THUMPD2: variants seen among roughly 807,000 people sequenced by gnomAD.
THUMPD2 encodes the protein THUMP domain 2 tRNA and snRNA guanosine methyltransferase.
In THUMPD2, 56 loss-of-function variants were observed where a neutral mutation model predicts 49.4. That is an observed-to-expected ratio of 1.13 (90% CI 0.91 to 1.41). The LOEUF is 1.41. Among genes scored for constraint, THUMPD2 ranks in the 40% most tolerant of loss-of-function variants. The probability of loss-of-function intolerance (pLI) is 0.00; values close to 1 mark genes in which losing one functional copy is unlikely to be tolerated. For missense variants in THUMPD2, 709 were observed against 594.5 expected, an observed-to-expected ratio of 1.19 and a Z score of -2.00; for synonymous variants, 237 against 205.2, an observed-to-expected ratio of 1.15 and a Z score of -1.32.
chr2:39,776,266 G>A (rs1249332814), intron 1 of THUMPD2, among the ~76,000 whole-genome samples: 1 of 151,984 alleles, frequency 6.6e-6, no homozygotes, highest in Non-Finnish European at 1.5e-5. Flanking sequence ...GCCATACAAC[G>A]AGAGGGGAGA....
Position 39,748,779 on chromosome 2 carries a change from C to T in THUMPD2, c.1079-4301G>A, listed in dbSNP as rs1487953064. Among the ~76,000 whole-genome samples, 7 of 152,134 alleles carry T rather than the reference C, an allele frequency of 4.6e-5. No individual in the cohort carries two copies. The East Asian group carries it at 1.2e-3, about 25-fold the overall frequency. The stretch of plus-strand genomic sequence containing the variant: ...CTGAGCTGGGAGGATCATTTAAGAC[C>T]AACCTGGGCAATACAGTGAGACCCC... On this transcript the variant is annotated intron_variant, in intron 8 of 9. Transcript: ENST00000505747.
intron 2 of THUMPD2, among the ~76,000 whole-genome samples, chr2:39,770,760 C>T (rs1179745867): frequency 6.6e-6 from 1 of 151,990 alleles, no homozygotes; most frequent in Non-Finnish European, 1.5e-5. Flanking sequence ...ATATTGATCC[C>T]ACAGTATAAT....
rs138710148 is a variant in THUMPD2 at position 39,753,692 on chromosome 2, T to G, written c.1078+1603A>C. On this transcript the variant is annotated intron_variant, in intron 8 of 9. Transcript: ENST00000505747. Reference sequence around the variant, plus strand: ...GCTGCTCAAGCCAGAAAGCTTAGAATGTTCTCTCTCTCATAGTCCACATCC... The same window carrying G: ...GCTGCTCAAGCCAGAAAGCTTAGAAGGTTCTCTCTCTCATAGTCCACATCC... 2.8e-4 allele frequency among the ~76,000 whole-genome samples: 42 copies of G among 152,342 alleles called. 1 individual carries two copies. The East Asian group carries it at 7.5e-3, about 27-fold the overall frequency.
intron 1 of THUMPD2, among the ~76,000 whole-genome samples, chr2:39,777,375 T>C (rs1572900621): frequency 6.6e-6 from 1 of 152,298 alleles, no homozygotes; most frequent in African/African-American, 2.4e-5. Context: ...CTACATCCAA[T>C]GTTCCAGGGA....
intron 2 of THUMPD2, among the ~76,000 whole-genome samples, 190 bp from the exon 3 acceptor site, chr2:39,770,309 T>C (rs1417169982): frequency 6.6e-6 from 1 of 152,132 alleles, no homozygotes; most frequent in Non-Finnish European, 1.5e-5. Context: ...ATAAAGTTCA[T>C]TCTTACATTG....
At chr2:39,758,672 A>G (rs1238605330) in intron 6 of THUMPD2, among the ~76,000 whole-genome samples, 1 of 152,056 alleles carries the variant, frequency 6.6e-6, no homozygotes, top group East Asian at 1.9e-4. Context: ...CCAGAGATCC[A>G]TTTGCCTTTT....
chr2:39,755,278 C>T lies in THUMPD2; in HGVS notation c.1078+17G>A, dbSNP rs772688655. The T allele has an allele frequency of 2.8e-6, 4 of 1,426,278 alleles. No individual in the cohort carries two copies. The highest frequency in any genetic ancestry group is 3.8e-6 in the Non-Finnish European group (4 of 1,051,910). The allele number at this position is 1,426,278 out of a possible 1,614,324, so 88.4% of individuals were successfully genotyped here. A position where few individuals can be genotyped will look rare whatever the true frequency, so the allele number is the denominator to read the frequency against. ...ATTGTTCCTTTTCTCAATTGTTTTG[C>T]ATTTTTAGTATCTTACCTATAACAG... On this transcript the variant is annotated intron_variant, in intron 8 of 9. Coordinates refer to ENST00000505747, the MANE Select transcript of THUMPD2 (RefSeq NM_025264.5).
At chr2:39,747,980 T>A (rs937103346) in intron 8 of THUMPD2, among the ~76,000 whole-genome samples, 1 of 152,212 alleles carries the variant, frequency 6.6e-6, no homozygotes, top group African/African-American at 2.4e-5. Flanking sequence ...CCATACCATA[T>A]CCAAAGAATA....
At chr2:39,758,000 G>T (rs770359751) in intron 6 of THUMPD2, among the ~76,000 whole-genome samples, 35 of 152,224 alleles carry the variant, frequency 2.3e-4, no homozygotes, top group South Asian at 1.5e-3. Context: ...GACCTCCTTT[G>T]CCAGTGGTCA....
intron 5 of THUMPD2, among the ~76,000 whole-genome samples, chr2:39,765,261 G>A (rs1300549672): frequency 6.6e-6 from 1 of 152,134 alleles, no homozygotes; most frequent in South Asian, 2.1e-4. Context: ...CTGGGTTCAA[G>A]TGATTCTCCT....
intron 1 of THUMPD2, among the ~76,000 whole-genome samples, chr2:39,773,949 T>C (rs897543311): frequency 3.9e-5 from 6 of 152,262 alleles, no homozygotes; most frequent in African/African-American, 1.4e-4. Flanking sequence ...TTCATTATGA[T>C]ATTGATAAGA....
chr2:39,757,394 T>G (rs1676284735), intron 6 of THUMPD2: 3 of 1,303,746 alleles, frequency 2.3e-6, no homozygotes, highest in Non-Finnish European at 3.0e-6. Flanking sequence ...AAAATGTTCT[T>G]CAAGAGACAG....
chr2:39,738,216 T>A (rs897439868), intron 9 of THUMPD2, among the ~76,000 whole-genome samples: 1 of 152,174 alleles, frequency 6.6e-6, no homozygotes, highest in African/African-American at 2.4e-5. Flanking sequence ...ACAACAGTTA[T>A]GTCAAGGAAG....
chr2:39,746,391 T>C (rs577826201), intron 8 of THUMPD2, among the ~76,000 whole-genome samples: 2 of 152,294 alleles, frequency 1.3e-5, no homozygotes, highest in African/African-American at 4.8e-5. Flanking sequence ...AACTGAAAGG[T>C]CTTTGTAAAA....
Position 39,748,406 on chromosome 2 carries a change from A to G in THUMPD2, c.1079-3928T>C, listed in dbSNP as rs145801530. Among the ~76,000 whole-genome samples the G allele has an allele frequency of 7.3e-3, 1,112 of 152,130 alleles. 5 individuals are homozygous for G. Among genetic ancestry groups the G allele is most frequent in the Non-Finnish European group, 0.011 (743 of 68,034 alleles). ...AGTTTGCAGTTCATCTGTTCTGTGT[A>G]TATTTTAAAAAGAAGGCCGGGTACG... On this transcript the variant is annotated intron_variant, in intron 8 of 9. Transcript: ENST00000505747.
intron 9 of THUMPD2, among the ~76,000 whole-genome samples, chr2:39,737,652 T>C (rs553859235): frequency 6.6e-6 from 1 of 152,286 alleles, no homozygotes; most frequent in African/African-American, 2.4e-5. Flanking sequence ...GTGAAAATGC[T>C]ATAATCAAGG....
intron 8 of THUMPD2, among the ~76,000 whole-genome samples, chr2:39,754,554 G>A (rs1439447419): frequency 6.6e-6 from 1 of 152,084 alleles, no homozygotes; most frequent in African/African-American, 2.4e-5. Flanking sequence ...AGAATACAAT[G>A]TTCTTACCTG....
chr2:39,747,621 C>T (rs973408984), intron 8 of THUMPD2, among the ~76,000 whole-genome samples: 9 of 152,104 alleles, frequency 5.9e-5, no homozygotes, highest in Admixed American at 2.0e-4. Flanking sequence ...GCCCTGAAAA[C>T]GTATCTGTGC....
intron 5 of THUMPD2, among the ~76,000 whole-genome samples, chr2:39,761,742 C>T (rs1015051878): frequency 6.6e-6 from 1 of 152,072 alleles, no homozygotes; most frequent in African/African-American, 2.4e-5. Flanking sequence ...ACAGAGTAGA[C>T]CTTTTTTTGC....
Sources: allele counts gnomAD v4.1 joint callset (sites outside exome capture counted in the v4.1 genomes callset), GRCh38; gene constraint gnomAD v4.1.1; transcripts MANE v1.5; gene names NCBI Gene and HGNC (gene_info 2026-07-23, HGNC 2026-07-21).